The following LYN variants were observed in gnomAD, a reference collection of about 807,000 sequenced individuals.
LYN encodes tyrosine-protein kinase Lyn.
In LYN, 12 loss-of-function variants were observed where a neutral mutation model predicts 65.0. The observed-to-expected ratio is 0.18, with a 90% confidence interval of 0.12 to 0.30. LYN has a LOEUF of 0.30. LYN is among the 10% of genes least tolerant of loss of function. The probability of loss-of-function intolerance (pLI) is 1.00; values close to 1 mark genes in which losing one functional copy is unlikely to be tolerated. For missense variants in LYN, 380 were observed against 623.2 expected, an observed-to-expected ratio of 0.61 and a Z score of 4.16; for synonymous variants, 222 against 221.2, an observed-to-expected ratio of 1.00 and a Z score of -0.03.
rs1436038947 is a variant in LYN, at chr8:55,938,041, T to C, written c.-5-3814T>C. Among the ~76,000 whole-genome samples, 3 of 152,314 alleles carry C rather than the reference T, an allele frequency of 2.0e-5. No individual in the cohort carries two copies. The South Asian group carries it at 6.2e-4, about 32-fold the overall frequency. ...AAAACCAAAAAATTATCCCAGAGTC[T>C]GGGAATAAAATAAAAGAGGGATTAA... On this transcript the variant is annotated intron_variant, in intron 1 of 12. Transcript: ENST00000519728.
At chr8:55,891,849 G>C (rs779832927) in intron 1 of LYN, among the ~76,000 whole-genome samples, 6 of 152,116 alleles carry the variant, frequency 3.9e-5, no homozygotes, top group African/African-American at 7.2e-5. Context: ...CCAAGCAGAC[G>C]GGTGTTCACT....
At chr8:55,956,329 C>T (rs533251073) in intron 8 of LYN, among the ~76,000 whole-genome samples, 14 of 152,264 alleles carry the variant, frequency 9.2e-5, no homozygotes, top group Non-Finnish European at 1.8e-4. Context: ...TAAGTGCAGA[C>T]GTGACTTGCT....
At chr8:55,982,163 C>G (rs1807945241) in intron 10 of LYN, among the ~76,000 whole-genome samples, 1 of 152,158 alleles carries the variant, frequency 6.6e-6, no homozygotes, top group Non-Finnish European at 1.5e-5. Context: ...CCCAGCGCCC[C>G]CAGTGTCTGT....
At chr8:55,992,918 C>T (rs1319832936) in intron 10 of LYN, among the ~76,000 whole-genome samples, 1 of 152,156 alleles carries the variant, frequency 6.6e-6, no homozygotes, top group African/African-American at 2.4e-5. Flanking sequence ...AAAGGCCCCC[C>T]CTCTTAATAC....
In LYN at chr8:55,946,021, A is replaced by G. The variant is rs1293836269; in HGVS notation, c.133-427A>G. 5.9e-5 allele frequency among the ~76,000 whole-genome samples: 9 copies of G among 152,206 alleles called. No homozygotes were observed. The East Asian group carries it at 1.5e-3, about 26-fold the overall frequency. ...GTTTCTAGGGAGAGAGAAAGAGGCA[A>G]GGGAAAAGGGGAGCTGACAGCAAAG... On this transcript the variant is annotated intron_variant, in intron 2 of 12. Coordinates refer to ENST00000519728, the MANE Select transcript of LYN (RefSeq NM_002350.4).
intron 5 of LYN, 46 bp downstream of exon 5, chr8:55,950,603 T>G (rs758630449): frequency 1.9e-6 from 3 of 1,570,454 alleles, no homozygotes; most frequent in Non-Finnish European, 2.6e-6. Context: ...TTTGCCACAT[T>G]GGATTTCTTG....
intron 12 of LYN, among the ~76,000 whole-genome samples, chr8:56,004,298 T>G (rs548845304): frequency 1.3e-5 from 2 of 149,790 alleles, no homozygotes; most frequent in East Asian, 3.9e-4. Flanking sequence ...GACTTCCTTT[T>G]TTTTTTTTTT....
At chr8:55,975,799 ACT>A (rs1349532616) in intron 10 of LYN, among the ~76,000 whole-genome samples, 2 of 94,606 alleles carry the variant, frequency 2.1e-5, no homozygotes, top group Non-Finnish European at 4.0e-5. Flanking sequence ...TAAAACAGGA[ACT>A]CTTTTTTTTT....
chr8:55,967,455 C>T (rs1807494593), intron 9 of LYN, among the ~76,000 whole-genome samples: 1 of 151,776 alleles, frequency 6.6e-6, no homozygotes, highest in South Asian at 2.1e-4. Context: ...GCTGGGACTA[C>T]AGGCACGTGC....
chr8:55,907,147 G>A (rs1805450288), intron 1 of LYN, among the ~76,000 whole-genome samples: 1 of 152,104 alleles, frequency 6.6e-6, no homozygotes, highest in South Asian at 2.1e-4. Flanking sequence ...ATATATGGCA[G>A]CTTTATTCAT....
At chr8:55,926,930 A>G (rs909928031) in intron 1 of LYN, among the ~76,000 whole-genome samples, 36 of 152,334 alleles carry the variant, frequency 2.4e-4, no homozygotes, top group African/African-American at 8.7e-4. Context: ...CCAGAGCTGC[A>G]GTTTTAGATT....
chr8:55,886,614 G>A (rs1455542116), intron 1 of LYN, among the ~76,000 whole-genome samples: 1 of 152,154 alleles, frequency 6.6e-6, no homozygotes, highest in African/African-American at 2.4e-5. Context: ...ACACATATCT[G>A]TAGGCAAAAC....
Position 55,951,896 on chromosome 8 carries a change from C to T in LYN, c.488-70C>T, listed in dbSNP as rs530900526. On this transcript the variant is annotated intron_variant, in intron 6 of 12. Transcript: ENST00000519728. ...GCATATTTGTATCACAAAATGTGTACTGCAGTTGTTGTATAATGCAGATCT... is the reference window on the plus strand; with the variant it reads ...GCATATTTGTATCACAAAATGTGTATTGCAGTTGTTGTATAATGCAGATCT... 5.0e-5 allele frequency: 60 copies of T among 1,209,436 alleles called. No homozygotes were observed. The South Asian group carries it at 5.0e-4, about 10-fold the overall frequency. The allele number at this position is 1,209,436 out of a possible 1,614,324, so 74.9% of individuals were successfully genotyped here.
intron 1 of LYN, among the ~76,000 whole-genome samples, chr8:55,919,141 G>C (rs1805874541): frequency 6.6e-6 from 1 of 151,922 alleles, no homozygotes; most frequent in African/African-American, 2.4e-5. Context: ...TAATAGGGGA[G>C]AAAGAGGATC....
intron 3 of LYN, among the ~76,000 whole-genome samples, chr8:55,947,277 A>G (rs1314189596): frequency 1.3e-5 from 2 of 152,206 alleles, no homozygotes; most frequent in African/African-American, 4.8e-5. Context: ...ATGCTACATG[A>G]TGTTTATCCA....
chr8:55,922,204 C>G (rs1455872209), intron 1 of LYN, among the ~76,000 whole-genome samples: 1 of 152,212 alleles, frequency 6.6e-6, no homozygotes, highest in Non-Finnish European at 1.5e-5. Context: ...TCTCTCACCT[C>G]AGCCTCCTGA....
chr8:55,953,107 A>G (rs1047149636), intron 7 of LYN, among the ~76,000 whole-genome samples: 10 of 152,196 alleles, frequency 6.6e-5, no homozygotes, highest in Non-Finnish European at 1.2e-4. Context: ...TCCTGTGTGC[A>G]TCCGGCACAT....
At chr8:55,907,534 G>T (rs1196672524) in intron 1 of LYN, among the ~76,000 whole-genome samples, 3 of 152,140 alleles carry the variant, frequency 2.0e-5, no homozygotes, top group Non-Finnish European at 4.4e-5. Context: ...GCACAGTTAG[G>T]ATCTTTACCT....
intron 1 of LYN, among the ~76,000 whole-genome samples, chr8:55,924,656 G>A (rs1049779565): frequency 5.9e-5 from 9 of 152,056 alleles, no homozygotes; most frequent in Admixed American, 3.3e-4. Context: ...GAGCCACCGC[G>A]CCCAGCTGCA....
Sources: allele counts gnomAD v4.1 joint callset (sites outside exome capture counted in the v4.1 genomes callset), GRCh38; gene constraint gnomAD v4.1.1; transcripts MANE v1.5; gene names NCBI Gene and HGNC (gene_info 2026-07-23, HGNC 2026-07-21).